The following HECTD4 variants were observed in gnomAD, a reference collection of about 807,000 sequenced individuals.
HECTD4 encodes HECT domain E3 ubiquitin protein ligase 4, also known as probable E3 ubiquitin-protein ligase HECTD4.
Under a neutral mutation model 471.5 loss-of-function variants are expected in HECTD4, and 114 were observed. The ratio of observed to expected loss-of-function variants is 0.24; its 90% CI spans 0.21 to 0.28. The LOEUF (loss-of-function observed/expected upper bound fraction) is 0.28. Ranked by LOEUF, HECTD4 falls within the 10% of genes least tolerant of loss-of-function variation. HECTD4 has a pLI of 1.00. For synonymous variants in HECTD4, 2,012 were observed against 2,256.0 expected (o/e 0.89, Z 3.07); for missense variants, 3,866 against 5,651.5 (o/e 0.68, Z 10.13).
chr12:112,195,517 C>T (rs948693642), intron 55 of HECTD4, among the ~76,000 whole-genome samples: 2 of 152,110 alleles, frequency 1.3e-5, no homozygotes, highest in African/African-American at 4.8e-5. Flanking sequence ...CAAAGGGCCA[C>T]ATATTGGATT....
chr12:112,283,663 A>G (rs1282607274), intron 7 of HECTD4, among the ~76,000 whole-genome samples: 2 of 152,264 alleles, frequency 1.3e-5, no homozygotes, highest in African/African-American at 2.4e-5. Flanking sequence ...GTTAAGGACA[A>G]CTATGAGGAT....
intron 24 of HECTD4, among the ~76,000 whole-genome samples, chr12:112,250,665 A>G (rs1364487223): frequency 6.6e-6 from 1 of 152,248 alleles, no homozygotes; most frequent in Non-Finnish European, 1.5e-5. Context: ...ATTGTACAAT[A>G]AACATTTGCT....
chr12:112,231,499 T>C lies in HECTD4; in HGVS notation c.6200+14A>G, dbSNP rs1279651710. 1 of 1,612,122 alleles carries C rather than the reference T, an allele frequency of 6.2e-7. No individual in the cohort carries two copies. Among genetic ancestry groups the C allele is most frequent in the Non-Finnish European group, 8.5e-7 (1 of 1,178,174 alleles). ...GAGATGAGTGTGGACAGCTCCTACCTGTGGAAGGTTTACCTTGCAAGCTCC... is the reference window on the plus strand; with the variant it reads ...GAGATGAGTGTGGACAGCTCCTACCCGTGGAAGGTTTACCTTGCAAGCTCC... On this transcript the variant is annotated intron_variant, in intron 39 of 75. Transcript: ENST00000682272.
In HECTD4 at chr12:112,319,479, G is replaced by C. The variant is rs2035544756; in HGVS notation, c.441C>G (p.Leu147=). The C allele has an allele frequency of 6.6e-7, 1 of 1,516,752 alleles. No homozygotes were observed. The highest frequency in any genetic ancestry group is 1.4e-5 in the African/African-American group (1 of 72,450). The allele number at this position is 1,516,752 out of a possible 1,614,324, so 94.0% of individuals were successfully genotyped here. Reference sequence around the variant, plus strand: ...ACTGAATAAGGGGGAAGACCAGCAGGAGCCCCATCCTCGATGTGAAGGGCG... The same window carrying C: ...ACTGAATAAGGGGGAAGACCAGCAGCAGCCCCATCCTCGATGTGAAGGGCG... ...EQAPFTSRMG[L]LLVFPLIQSQ... Residue 147 remains leucine (L), a synonymous_variant, in exon 2 of 76, where the codon CTC becomes CTG. Transcript: ENST00000682272. This position sits in a 1 kb window ranked among gnomAD's most constrained non-coding sequence, Gnocchi z 5.3.
chr12:112,256,352 T>C lies in HECTD4; in HGVS notation c.3295A>G (p.Ser1099Gly), dbSNP rs754146338. The change falls in exon 21 of 76, where the codon AGC becomes GGC. Residue 1099 changes from serine (S) to glycine (G), a missense_variant. Coordinates refer to ENST00000682272, the MANE Select transcript of HECTD4 (RefSeq NM_001388303.1). ...TAGTCATATTGCGAAGAGCATCTGC[T>C]ATCAAATCTAAGGTACAGGCAGCGA... ...GARCLYLRFDSRCSSQYDYDK... is the reference protein window; with the variant it reads ...GARCLYLRFDGRCSSQYDYDK... The C allele has an allele frequency of 6.2e-7, 1 of 1,606,738 alleles. No individual in the cohort carries two copies. Among genetic ancestry groups the C allele is most frequent in the East Asian group, 2.2e-5 (1 of 44,584 alleles).
At chr12:112,289,580 G>T (rs1566100244) in intron 7 of HECTD4, among the ~76,000 whole-genome samples, 1 of 151,250 alleles carries the variant, frequency 6.6e-6, no homozygotes, top group African/African-American at 2.4e-5. Flanking sequence ...TAATGTTTAG[G>T]TTTTTTTTTC....
chr12:112,337,766 T>G (rs2035984890), intron 1 of HECTD4, among the ~76,000 whole-genome samples: 1 of 152,232 alleles, frequency 6.6e-6, no homozygotes, highest in East Asian at 1.9e-4. Context: ...ACTCCATTAT[T>G]TCTTGTTTTT....
chr12:112,169,810 C>G (rs1566058741), intron 69 of HECTD4, 152 bp from the exon 70 acceptor site: 1 of 843,272 alleles, frequency 1.2e-6, no homozygotes, highest in East Asian at 2.6e-5. Context: ...CCTCAGAACA[C>G]CTTAGAGCCT....
rs1342372506 is a variant in HECTD4, at chr12:112,163,614, C to T, written c.12825G>A (p.Leu4275=). ...GLGSIIPLQL[L]TMLSPLEMEL... ...CCATCTCCAGTGGGCTGAGCATGGT[C>T]AGCAGCTGCAGGGGGATGATGGAGC... The change falls in exon 74 of 76, where the codon CTG becomes CTA. Residue 4275 remains leucine (L), a synonymous_variant. Coordinates refer to ENST00000682272, the MANE Select transcript of HECTD4 (RefSeq NM_001388303.1). This position sits in a 1 kb window ranked among gnomAD's most constrained non-coding sequence, Gnocchi z 8.2. The T allele has an allele frequency of 5.8e-6, 9 of 1,538,682 alleles. No homozygotes were observed. The African/African-American group carries it at 1.2e-4, about 21-fold the overall frequency.
chr12:112,249,411 CAT>C (rs1175142774), intron 25 of HECTD4: 1 of 151,224 alleles, frequency 6.6e-6, no homozygotes, highest in Non-Finnish European at 1.5e-5. Flanking sequence ...GAGTTAGAGA[CAT>C]ATTAGAGCTG....
chr12:112,291,522 G>T (rs549161999), intron 7 of HECTD4, among the ~76,000 whole-genome samples: 14 of 151,712 alleles, frequency 9.2e-5, no homozygotes, highest in Non-Finnish European at 1.8e-4. Context: ...GGTCACTTGA[G>T]CCCAGGAGTT....
At chr12:112,268,868 GT>G (rs561805261) in intron 13 of HECTD4, among the ~76,000 whole-genome samples, 1,682 of 65,900 alleles carry the variant, frequency 0.026, 1 homozygote, top group Middle Eastern at 0.069. Context: ...GTCTGAAAAG[GT>G]TTTTTTTTTT....
chr12:112,343,051 A>G (rs923169915), intron 1 of HECTD4, among the ~76,000 whole-genome samples: 30 of 151,464 alleles, frequency 2.0e-4, no homozygotes, highest in Non-Finnish European at 7.4e-5. Flanking sequence ...TCAAAATCAT[A>G]TAACTGTACA....
rs966732000 is a variant in HECTD4, at chr12:112,382,134, C to G, written c.-6G>C. The G allele has an allele frequency of 8.2e-7, 1 of 1,220,492 alleles. No homozygotes were observed. Among genetic ancestry groups the G allele is most frequent in the Non-Finnish European group, 1.0e-6 (1 of 982,562 alleles). The allele number at this position is 1,220,492 out of a possible 1,614,324, so 75.6% of individuals were successfully genotyped here. On this transcript the variant is annotated 5_prime_UTR_variant, in exon 1 of 76. Coordinates refer to ENST00000682272, the MANE Select transcript of HECTD4 (RefSeq NM_001388303.1). ...GCGGCCGCCGACGAGCCCATGGCCCCGGCTGAAGGCTTGGCGCTGAGGAGC... is the reference window on the plus strand; with the variant it reads ...GCGGCCGCCGACGAGCCCATGGCCCGGGCTGAAGGCTTGGCGCTGAGGAGC...
intron 1 of HECTD4, among the ~76,000 whole-genome samples, chr12:112,336,978 T>C (rs762432170): frequency 3.9e-5 from 6 of 152,216 alleles, no homozygotes; most frequent in Non-Finnish European, 7.3e-5. Context: ...CCTTTCATGA[T>C]AGTTCTTGTA....
intron 13 of HECTD4, among the ~76,000 whole-genome samples, chr12:112,267,792 T>G (rs1427918302): frequency 6.6e-6 from 1 of 152,114 alleles, no homozygotes; most frequent in Non-Finnish European, 1.5e-5. Context: ...TTTCATTAAT[T>G]TATTTGTGTG....
At chr12:112,291,286 CATT>C (rs1272803761) in intron 7 of HECTD4, among the ~76,000 whole-genome samples, 1 of 152,114 alleles carries the variant, frequency 6.6e-6, no homozygotes, top group African/African-American at 2.4e-5. Context: ...CTCTCCCAGT[CATT>C]ATGTCATTTC....
chr12:112,201,233 A>G, intron 54 of HECTD4: 1 of 356,548 alleles, frequency 2.8e-6, no homozygotes, highest in Non-Finnish European at 5.5e-6. Flanking sequence ...AGCTGGGACT[A>G]GGCACCCACC....
At chr12:112,182,970 G>T (rs1013798306) in intron 62 of HECTD4, 89 bp downstream of exon 62, 2 of 880,330 alleles carry the variant, frequency 2.3e-6, no homozygotes, top group Non-Finnish European at 3.7e-6. Context: ...ATACTGGGGA[G>T]GGGAGGAGAT....
Sources: gnomAD v4.1 joint callset for allele counts (sites outside exome capture counted in the v4.1 genomes callset) on GRCh38, gnomAD v4.1.1 for gene constraint, Gnocchi (gnomAD v3.1) non-coding constraint, MANE v1.5 for transcripts, NCBI Gene and HGNC (gene_info 2026-07-23, HGNC 2026-07-21) for gene names.